CALN1: variants seen among roughly 807,000 people sequenced by gnomAD.
CALN1 encodes calcium-binding protein 8.
CALN1 carries 17 observed loss-of-function variants against 30.6 expected under a neutral mutation model. The observed-to-expected ratio is 0.56, with a 90% confidence interval of 0.38 to 0.83. The LOEUF is 0.83. Ranked by LOEUF, CALN1 falls within the 40% of genes least tolerant of loss-of-function variation. The pLI is 0.00. For missense variants in CALN1, 291 were observed against 354.9 expected (o/e 0.82, Z 1.45); for synonymous variants, 156 against 131.4 (o/e 1.19, Z -1.28).
At chr7:72,314,358 TACATATACATATATACACATATATAC>T (rs1800271358) in intron 2 of CALN1, among the ~76,000 whole-genome samples, 1 of 14,508 alleles carries the variant, frequency 6.9e-5, no homozygotes, top group Non-Finnish European at 1.3e-4. Context: ...TACATATATA[TACATATACATATATACACATATATAC>T]ACATATATAT....
At chr7:72,180,047 C>G in intron 3 of CALN1, among the ~76,000 whole-genome samples, 1 of 152,118 alleles carries the variant, frequency 6.6e-6, no homozygotes, top group East Asian at 1.9e-4. Flanking sequence ...CTCTAATGTG[C>G]CCCACCCTCC....
intron 3 of CALN1, among the ~76,000 whole-genome samples, chr7:72,142,094 T>C (rs989663189): frequency 6.6e-6 from 1 of 152,174 alleles, no homozygotes; most frequent in Admixed American, 6.5e-5. Flanking sequence ...GGTACCGGGT[T>C]CATCTCACTG....
intron 3 of CALN1, among the ~76,000 whole-genome samples, chr7:72,180,057 C>T (rs548976102): frequency 6.5e-4 from 99 of 152,296 alleles, no homozygotes; most frequent in African/African-American, 2.1e-3. Flanking sequence ...CCCCACCCTC[C>T]CCAGCTGCTC....
At chr7:71,840,485 TA>T (rs61579583) in intron 5 of CALN1, among the ~76,000 whole-genome samples, 22,903 of 100,254 alleles carry the variant, frequency 0.23, 2,371 homozygotes, top group East Asian at 0.47. Flanking sequence ...ATGCTCTCTT[TA>T]AAAAAAAAAA....
intron 2 of CALN1, among the ~76,000 whole-genome samples, chr7:72,297,578 T>C (rs1798954271): frequency 6.6e-6 from 1 of 152,244 alleles, no homozygotes; most frequent in Admixed American, 6.5e-5. Context: ...TTTAATATTA[T>C]TCACACTTAT....
intron 2 of CALN1, among the ~76,000 whole-genome samples, chr7:72,298,222 T>A (rs1413300671): frequency 6.6e-6 from 1 of 151,618 alleles, no homozygotes; most frequent in Non-Finnish European, 1.5e-5. Flanking sequence ...TGACTGTTTA[T>A]GACAGAAAGC....
intron 4 of CALN1, among the ~76,000 whole-genome samples, chr7:72,092,626 A>T (rs990195875): frequency 1.1e-4 from 1 of 9,290 alleles, no homozygotes; most frequent in Non-Finnish European, 2.2e-4. Flanking sequence ...GTATTCTAGT[A>T]AAAAAAAAAA....
rs1796447293 is a variant in CALN1, at chr7:71,947,158, C to T, written c.501+76499G>A. Among the ~76,000 whole-genome samples, 4 of 151,964 alleles carry T rather than the reference C, an allele frequency of 2.6e-5. No homozygotes were observed. In the South Asian group the frequency reaches 6.2e-4, roughly 24 times the overall value. On this transcript the variant is annotated intron_variant, in intron 5 of 6. Transcript: ENST00000395275. ...CCCGAGTAGCTAGGATTACAGGCACCCACCACCACGCCTGGCTAATTTTTG... is the reference window on the plus strand; with the variant it reads ...CCCGAGTAGCTAGGATTACAGGCACTCACCACCACGCCTGGCTAATTTTTG...
chr7:72,402,946 C>G (rs1806440208), intron 2 of CALN1, among the ~76,000 whole-genome samples: 1 of 152,164 alleles, frequency 6.6e-6, no homozygotes, highest in South Asian at 2.1e-4. Flanking sequence ...CATTTTTATG[C>G]TAGTACATAG....
At chr7:72,492,297 C>A in the CALN1 span, among the ~76,000 whole-genome samples, 1 of 152,186 alleles carries the variant, frequency 6.6e-6, no homozygotes, top group Non-Finnish European at 1.5e-5. Context: ...TATTGACATA[C>A]CCAAGGTCAG....
chr7:72,358,246 T>C lies in CALN1; in HGVS notation c.119+45005A>G, dbSNP rs1032845870. Among the ~76,000 whole-genome samples, 14 of 151,902 alleles carry C rather than the reference T, an allele frequency of 9.2e-5. 2 individuals carry two copies. Among genetic ancestry groups the C allele is most frequent in the African/African-American group, 3.4e-4 (14 of 41,204 alleles). On this transcript the variant is annotated intron_variant, in intron 2 of 6. Coordinates refer to ENST00000395275, the MANE Select transcript of CALN1 (RefSeq NM_031468.4). Reference sequence around the variant, plus strand: ...CTGGCCTCACGTGACCCTTGAGCCTTGGCCTCCCAAAGTGCTAGGATTATA... The same window carrying C: ...CTGGCCTCACGTGACCCTTGAGCCTCGGCCTCCCAAAGTGCTAGGATTATA...
intron 3 of CALN1, among the ~76,000 whole-genome samples, chr7:72,108,649 C>T (rs372260042): frequency 2.0e-5 from 3 of 152,016 alleles, no homozygotes; most frequent in Admixed American, 6.5e-5. Flanking sequence ...CAGACTCCTG[C>T]CTTTCCCTAC....
At chr7:72,125,989 T>A (rs1051531486) in intron 3 of CALN1, among the ~76,000 whole-genome samples, 1 of 151,872 alleles carries the variant, frequency 6.6e-6, no homozygotes, top group Non-Finnish European at 1.5e-5. Flanking sequence ...TTAGTAGAGA[T>A]GAGGTTTCAC....
At chr7:71,908,577 TAAAAG>T (rs756924177) in intron 5 of CALN1, among the ~76,000 whole-genome samples, 2 of 152,106 alleles carry the variant, frequency 1.3e-5, no homozygotes, top group Admixed American at 6.5e-5. Context: ...GTAGATATCT[TAAAAG>T]GACACGGAAA....
At chr7:72,435,530 G>A (rs1808127788) in intron 1 of CALN1, among the ~76,000 whole-genome samples, 1 of 152,174 alleles carries the variant, frequency 6.6e-6, no homozygotes, top group Admixed American at 6.5e-5. Flanking sequence ...TCCTTCCCCT[G>A]GGACCACAAT....
chr7:71,814,314 G>T (rs1788136154), intron 5 of CALN1, among the ~76,000 whole-genome samples: 1 of 152,106 alleles, frequency 6.6e-6, no homozygotes, highest in African/African-American at 2.4e-5. Flanking sequence ...GCAAGGGTGA[G>T]GGGTAATTTG....
intron 5 of CALN1, among the ~76,000 whole-genome samples, chr7:71,992,195 G>A (rs1276803669): frequency 6.6e-6 from 1 of 152,118 alleles, no homozygotes; most frequent in African/African-American, 2.4e-5. Flanking sequence ...AAATACACTT[G>A]TTTAAATTGG....
At chr7:72,106,733 G>A (rs868338416) in intron 3 of CALN1, among the ~76,000 whole-genome samples, 1 of 50,324 alleles carries the variant, frequency 2.0e-5, no homozygotes, top group Non-Finnish European at 3.6e-5. Context: ...AGGGAGGGAG[G>A]AAGGGAGGGA....
intron 3 of CALN1, among the ~76,000 whole-genome samples, chr7:72,219,638 C>T (rs563349319): frequency 1.4e-4 from 22 of 151,800 alleles, no homozygotes; most frequent in East Asian, 9.7e-4. Flanking sequence ...TACACATGCG[C>T]GCACACACAC....
Sources: gnomAD v4.1 joint callset for allele counts (sites outside exome capture counted in the v4.1 genomes callset) on GRCh38, gnomAD v4.1.1 for gene constraint, MANE v1.5 for transcripts, NCBI Gene and HGNC (gene_info 2026-07-23, HGNC 2026-07-21) for gene names.